The following SPAG16 variants were observed in gnomAD, a reference collection of about 807,000 sequenced individuals.
SPAG16 encodes sperm-associated antigen 16 protein.
SPAG16 carries 86 observed loss-of-function variants against 80.4 expected under a neutral mutation model. The observed-to-expected ratio is 1.07, with a 90% CI of 0.90 to 1.28. The LOEUF is 1.28. Among genes scored for constraint, SPAG16 ranks in the 50% most tolerant of loss-of-function variants. The pLI is 0.00. For synonymous variants in SPAG16, 294 were observed against 265.9 expected (o/e 1.11, Z -1.03); for missense variants, 870 against 765.3 (o/e 1.14, Z -1.61).
intron 14 of SPAG16, among the ~76,000 whole-genome samples, chr2:214,134,866 A>T (rs1228586355): frequency 1.3e-5 from 2 of 152,186 alleles, no homozygotes; most frequent in Non-Finnish European, 2.9e-5. Flanking sequence ...GAATTTTTAC[A>T]CATTGTTAAC....
chr2:214,222,110 CT>C (rs10694178), intron 15 of SPAG16, among the ~76,000 whole-genome samples: 342 of 103,618 alleles, frequency 3.3e-3, no homozygotes, highest in African/African-American at 0.01. Context: ...CCTTGCTATT[CT>C]TTTTTTTTTT....
intron 9 of SPAG16, among the ~76,000 whole-genome samples, chr2:213,380,671 C>A (rs1217781096): frequency 6.6e-6 from 1 of 152,156 alleles, no homozygotes; most frequent in African/African-American, 2.4e-5. Context: ...CAGTAACAGG[C>A]CAAGAGCTGT....
intron 10 of SPAG16, among the ~76,000 whole-genome samples, chr2:213,633,600 T>C (rs2062239299): frequency 6.6e-6 from 1 of 152,186 alleles, no homozygotes; most frequent in Admixed American, 6.5e-5. Flanking sequence ...CAGTAAGATC[T>C]GTCCAATGCT....
chr2:214,041,797 A>G (rs1316857216), intron 13 of SPAG16, among the ~76,000 whole-genome samples: 1 of 151,596 alleles, frequency 6.6e-6, no homozygotes, highest in African/African-American at 2.4e-5. Context: ...ATTTTCACAC[A>G]CACAGGGAAG....
At chr2:214,032,109 T>G (rs2048445307) in intron 13 of SPAG16, among the ~76,000 whole-genome samples, 1 of 152,226 alleles carries the variant, frequency 6.6e-6, no homozygotes, top group Non-Finnish European at 1.5e-5. Context: ...CTCCCTTGCA[T>G]GCACTTTCTG....
At chr2:213,388,904 A>G (rs571639649) in intron 9 of SPAG16, among the ~76,000 whole-genome samples, 366 of 152,058 alleles carry the variant, frequency 2.4e-3, no homozygotes, top group Non-Finnish European at 3.6e-3. Context: ...TTTTTTTGCA[A>G]AAACATAAAA....
intron 12 of SPAG16, among the ~76,000 whole-genome samples, chr2:214,000,997 T>A (rs1484133998): frequency 6.6e-6 from 1 of 152,196 alleles, no homozygotes; most frequent in African/African-American, 2.4e-5. Context: ...CTTTTCCTGT[T>A]CCCAATATCT....
intron 10 of SPAG16, among the ~76,000 whole-genome samples, chr2:213,821,577 G>A (rs2072937516): frequency 6.6e-6 from 1 of 151,890 alleles, no homozygotes; most frequent in African/African-American, 2.4e-5. Flanking sequence ...TACTATTTTA[G>A]TTACTTTAAA....
At chr2:213,434,815 G>A (rs2070528802) in intron 9 of SPAG16, among the ~76,000 whole-genome samples, 1 of 152,154 alleles carries the variant, frequency 6.6e-6, no homozygotes, top group Non-Finnish European at 1.5e-5. Context: ...AATAGACTTT[G>A]TGAGGATGCA....
At position 213,773,625 on chromosome 2, in the gene SPAG16, G is replaced by T. The variant is rs146293842; in HGVS notation, c.1071-88860G>T. The stretch of plus-strand genomic sequence containing the variant: ...TGGAGTGTGCAGTGGCATGATCTCG[G>T]CTTACTGCAACCTCTGCCTCCCAGG... On this transcript the variant is annotated intron_variant, in intron 10 of 15. Coordinates refer to ENST00000331683, the MANE Select transcript of SPAG16 (RefSeq NM_024532.5). 2.6e-4 allele frequency among the ~76,000 whole-genome samples: 39 copies of T among 152,168 alleles called. No homozygotes were observed. In the South Asian group the frequency reaches 5.4e-3, roughly 21 times the overall value.
At chr2:213,534,522 A>G (rs1017901137) in intron 10 of SPAG16, among the ~76,000 whole-genome samples, 1 of 152,178 alleles carries the variant, frequency 6.6e-6, no homozygotes, top group Non-Finnish European at 1.5e-5. Flanking sequence ...AATTTGTGAT[A>G]TATTTATAAA....
intron 12 of SPAG16, among the ~76,000 whole-genome samples, chr2:213,988,585 C>A (rs1053419855): frequency 2.0e-5 from 3 of 151,790 alleles, no homozygotes; most frequent in African/African-American, 7.2e-5. Flanking sequence ...TAGTGTTCAG[C>A]AAGGTTACAG....
intron 14 of SPAG16, among the ~76,000 whole-genome samples, chr2:214,129,702 T>C (rs1216898652): frequency 6.6e-6 from 1 of 152,162 alleles, no homozygotes; most frequent in Non-Finnish European, 1.5e-5. Context: ...AATCCCTTAA[T>C]TTCTCAAGAC....
intron 10 of SPAG16, among the ~76,000 whole-genome samples, chr2:213,705,088 TAAAAAAA>T (rs745672400): frequency 3.1e-4 from 47 of 150,214 alleles, no homozygotes; most frequent in South Asian, 1.9e-3. Context: ...CTGTCCCTAC[TAAAAAAA>T]AACAAAAAAC....
chr2:213,289,780 G>C (rs1474717719), intron 1 of SPAG16, among the ~76,000 whole-genome samples: 1 of 152,206 alleles, frequency 6.6e-6, no homozygotes, highest in Non-Finnish European at 1.5e-5. Context: ...GTCTATAGTA[G>C]CTTTGGGAAA....
chr2:214,143,548 G>A (rs867851308), intron 14 of SPAG16, among the ~76,000 whole-genome samples: 2 of 151,882 alleles, frequency 1.3e-5, no homozygotes, highest in Non-Finnish European at 1.5e-5. Context: ...GCAAATGTAC[G>A]ATTTTGTGTC....
At chr2:214,362,446 A>G (rs1387232773) in intron 15 of SPAG16, among the ~76,000 whole-genome samples, 3 of 151,960 alleles carry the variant, frequency 2.0e-5, no homozygotes, top group African/African-American at 7.2e-5. Context: ...ATGAACGTAT[A>G]TCAGTATAAC....
chr2:213,919,842 A>G (rs1276951185), intron 11 of SPAG16, among the ~76,000 whole-genome samples: 1 of 152,128 alleles, frequency 6.6e-6, no homozygotes, highest in Non-Finnish European at 1.5e-5. Flanking sequence ...GGTCCTGAAT[A>G]TTTTTGTTAA....
chr2:214,217,990 A>C (rs1384283641), intron 15 of SPAG16, among the ~76,000 whole-genome samples: 1 of 152,162 alleles, frequency 6.6e-6, no homozygotes, highest in Non-Finnish European at 1.5e-5. Flanking sequence ...CACTGACTAT[A>C]TTTTAGGTTA....
Sources: allele counts gnomAD v4.1 joint callset (sites outside exome capture counted in the v4.1 genomes callset), GRCh38; gene constraint gnomAD v4.1.1; transcripts MANE v1.5; gene names NCBI Gene and HGNC (gene_info 2026-07-23, HGNC 2026-07-21).